Variants in JMJD1C observed in about 807,000 individuals in gnomAD.
JMJD1C encodes jumonji domain-containing protein 1C.
A neutral mutation model predicts 245.3 loss-of-function variants in JMJD1C; 31 were observed. The ratio of observed to expected loss-of-function variants is 0.13; its 90% CI spans 0.09 to 0.17. The LOEUF (loss-of-function observed/expected upper bound fraction) is 0.17, where lower values mean the gene tolerates loss of function less well. JMJD1C is among the 10% of genes least tolerant of loss of function. The pLI, the probability that JMJD1C is intolerant of heterozygous loss-of-function variation, is 1.00. For synonymous variants in JMJD1C, 1,057 were observed against 1,017.4 expected, an observed-to-expected ratio of 1.04 and a Z score of -0.74; for missense variants, 2,691 against 3,000.2, an observed-to-expected ratio of 0.90 and a Z score of 2.41.
intron 2 of JMJD1C, among the ~76,000 whole-genome samples, chr10:63,266,161 CTT>C (rs1349950942): frequency 2.6e-5 from 4 of 152,054 alleles, no homozygotes; most frequent in African/African-American, 7.2e-5. Context: ...GAAAAACTCT[CTT>C]ATATTCTCAC....
chr10:63,478,833 G>T (rs1953741423), intron 1 of JMJD1C, among the ~76,000 whole-genome samples: 1 of 152,098 alleles, frequency 6.6e-6, no homozygotes, highest in Admixed American at 6.6e-5. Flanking sequence ...TAACCACATG[G>T]TGCATACCTA....
intron 14 of JMJD1C, 115 bp from the exon 15 acceptor site, chr10:63,193,587 C>T: frequency 1.6e-6 from 1 of 618,544 alleles, no homozygotes; most frequent in Non-Finnish European, 2.6e-6. Flanking sequence ...TTTCTTGTGC[C>T]CTTTAAATTT....
chr10:63,269,305 G>A, intron 2 of JMJD1C: 1 of 640,750 alleles, frequency 1.6e-6, no homozygotes, highest in Non-Finnish European at 1.9e-6. Flanking sequence ...AGGTGCTGAT[G>A]GAGTCACTTC....
intron 3 of JMJD1C, among the ~76,000 whole-genome samples, chr10:63,247,180 G>A (rs1852333387): frequency 6.7e-6 from 1 of 148,832 alleles, no homozygotes; most frequent in South Asian, 2.1e-4. Context: ...ATTTTGAAAA[G>A]ATAGATAAAA....
At chr10:63,362,227 T>C (rs1046244643) in intron 2 of JMJD1C, among the ~76,000 whole-genome samples, 1 of 135,478 alleles carries the variant, frequency 7.4e-6, no homozygotes, top group Non-Finnish European at 1.6e-5. Flanking sequence ...AGAGTGAGAC[T>C]GCATCTCTAA....
Position 63,206,634 on chromosome 10 carries a change from T to C in JMJD1C, c.5035A>G (p.Lys1679Glu), listed in dbSNP as rs767800234. 1 of 1,599,662 alleles carries C rather than the reference T, an allele frequency of 6.3e-7. No homozygotes were observed. Among genetic ancestry groups the C allele is most frequent in the Admixed American group, 1.8e-5 (1 of 55,636 alleles). The change falls in exon 10 of 26, where the codon AAA (lysine) becomes GAA (glutamate). Residue 1679 changes from lysine (K) to glutamate (E), a missense_variant. Coordinates refer to ENST00000399262, the MANE Select transcript of JMJD1C (RefSeq NM_032776.3). ...KPNGVLSRSA[K>E]ERSKLKLQSN... ...TGCAACTTCAGTTTACTTCTTTCTT[T>C]GGCACTCCTGCTGAGAACTCCATTG...
At chr10:63,486,511 ATAAGCT>A (rs1954007455) in intron 1 of JMJD1C, among the ~76,000 whole-genome samples, 1 of 152,168 alleles carries the variant, frequency 6.6e-6, no homozygotes, top group African/African-American at 2.4e-5. Context: ...GTCTATTGAA[ATAAGCT>A]TAATTTATCT....
chr10:63,305,880 G>C (rs1270945536), intron 2 of JMJD1C, among the ~76,000 whole-genome samples: 1 of 151,594 alleles, frequency 6.6e-6, no homozygotes, highest in African/African-American at 2.4e-5. Context: ...CTATAGGCAT[G>C]TGCAAACTAA....
intron 18 of JMJD1C, among the ~76,000 whole-genome samples, chr10:63,187,074 A>G (rs1485524779): frequency 1.3e-5 from 2 of 152,222 alleles, no homozygotes; most frequent in Non-Finnish European, 2.9e-5. Flanking sequence ...TTAAACTTGT[A>G]ACATAATTAA....
chr10:63,173,560 A>C (rs1293411191), intron 24 of JMJD1C, among the ~76,000 whole-genome samples: 3 of 152,154 alleles, frequency 2.0e-5, no homozygotes, highest in Non-Finnish European at 4.4e-5. Context: ...CATCTCCACA[A>C]AAAATTAAAA....
chr10:63,460,269 C>A (rs555636527), intron 1 of JMJD1C, among the ~76,000 whole-genome samples: 1 of 152,306 alleles, frequency 6.6e-6, no homozygotes, highest in East Asian at 1.9e-4. Flanking sequence ...GTAATCCCAG[C>A]ATTTTGGGAG....
intron 3 of JMJD1C, among the ~76,000 whole-genome samples, chr10:63,243,900 G>A (rs1851832825): frequency 6.6e-6 from 1 of 152,092 alleles, no homozygotes; most frequent in African/African-American, 2.4e-5. Context: ...TATCTGCAGT[G>A]CCCCTCCCAG....
chr10:63,272,281 GCT>G (rs1313469723), intron 2 of JMJD1C, among the ~76,000 whole-genome samples: 1 of 151,952 alleles, frequency 6.6e-6, no homozygotes, highest in Non-Finnish European at 1.5e-5. Flanking sequence ...ATGGAGTTTT[GCT>G]CTTTTTTGCC....
At chr10:63,416,384 AATT>A (rs1359807318) in intron 1 of JMJD1C, among the ~76,000 whole-genome samples, 3 of 152,100 alleles carry the variant, frequency 2.0e-5, no homozygotes. Context: ...AAGTCAGCTG[AATT>A]GCAATCCGTA....
chr10:63,319,441 T>C (rs1243635208), intron 2 of JMJD1C, among the ~76,000 whole-genome samples: 1 of 152,020 alleles, frequency 6.6e-6, no homozygotes, highest in African/African-American at 2.4e-5. Flanking sequence ...TTAACGTATG[T>C]TGTGTTTCTT....
intron 1 of JMJD1C, among the ~76,000 whole-genome samples, chr10:63,493,249 CTTTTTTTTTTTTT>C (rs752941477): frequency 4.1e-5 from 2 of 49,138 alleles, no homozygotes; most frequent in Non-Finnish European, 6.7e-5. Context: ...ACTGTTATTT[CTTTTTTTTTTTTT>C]TTTTTTTTTT....
rs1848685239 is a variant in JMJD1C, at chr10:63,222,260, A to G, written c.448-2277T>C. 9.6e-6 allele frequency: 8 copies of G among 830,724 alleles called. No individual in the cohort carries two copies. The South Asian group carries it at 1.1e-4, about 11-fold the overall frequency. 51.5% of individuals were successfully genotyped at this position (830,724 alleles called of 1,614,324 possible). ...GCATCAAGATGATTTACAGGATGTA[A>G]CAGGGAGAGCTGTCGAGATTGGTGT... is the stretch of plus-strand genomic sequence containing the variant. On this transcript the variant is annotated intron_variant, in intron 3 of 25. Coordinates refer to ENST00000399262, the MANE Select transcript of JMJD1C (RefSeq NM_032776.3).
intron 2 of JMJD1C, among the ~76,000 whole-genome samples, chr10:63,297,307 C>CA (rs1859566726): frequency 6.6e-6 from 1 of 152,148 alleles, no homozygotes; most frequent in African/African-American, 2.4e-5. Flanking sequence ...ATGGACCAGT[C>CA]AGCATGCACT....
chr10:63,169,474 G>A (rs1362171262), intron 24 of JMJD1C, among the ~76,000 whole-genome samples: 1 of 152,130 alleles, frequency 6.6e-6, no homozygotes, highest in Admixed American at 6.6e-5. Flanking sequence ...CTCTAAGTAT[G>A]CAAAATAAAT....
Sources: gnomAD v4.1 joint callset for allele counts (sites outside exome capture counted in the v4.1 genomes callset) on GRCh38, gnomAD v4.1.1 for gene constraint, MANE v1.5 for transcripts, NCBI Gene and HGNC (gene_info 2026-07-23, HGNC 2026-07-21) for gene names.